The following SRPK1 variants were observed in gnomAD, a reference collection of about 807,000 sequenced individuals.
SRPK1 encodes SFRS protein kinase 1.
Under a neutral mutation model 89.5 loss-of-function variants are expected in SRPK1, and 52 were observed. The ratio of observed to expected loss-of-function variants is 0.58; its 90% CI spans 0.46 to 0.73. SRPK1 has a LOEUF of 0.73. Among genes scored for constraint, SRPK1 ranks in the 30% least tolerant of loss-of-function variants. SRPK1 has a pLI of 0.00. For missense variants in SRPK1, 603 were observed against 780.6 expected (o/e 0.77, Z 2.71); for synonymous variants, 255 against 270.2 (o/e 0.94, Z 0.55).
intron 2 of SRPK1, among the ~76,000 whole-genome samples, chr6:35,913,969 CTT>C (rs545555860): frequency 1.9e-3 from 181 of 92,914 alleles, no homozygotes; most frequent in Non-Finnish European, 2.8e-3. Context: ...GATACTTTCT[CTT>C]TTTTTTTTTT....
At chr6:35,891,183 A>G (rs1770510610) in intron 2 of SRPK1, 170 bp from the exon 3 acceptor site, 5 of 739,028 alleles carry the variant, frequency 6.8e-6, no homozygotes, top group Non-Finnish European at 9.8e-6. Context: ...TTAGAAAAAT[A>G]CTTTTTAAAA....
chr6:35,835,132 A>G lies in SRPK1; in HGVS notation c.*172T>C, dbSNP rs1581984352. 1.7e-6 allele frequency: 1 copy of G among 577,470 alleles called. No individual in the cohort carries two copies. The highest frequency in any genetic ancestry group is 2.8e-6 in the Non-Finnish European group (1 of 351,144). 35.8% of individuals were successfully genotyped at this position (577,470 alleles called of 1,614,324 possible). On this transcript the variant is annotated 3_prime_UTR_variant, in exon 16 of 16. Coordinates refer to ENST00000373825, the MANE Select transcript of SRPK1 (RefSeq NM_003137.5). The stretch of plus-strand genomic sequence containing the variant: ...CCTAGGATGCCCAATGGCTGTGGGG[A>G]TCTCCACAGGGTCAAGTAAGCAAAC...
chr6:35,837,530 C>T (rs1769206033), intron 15 of SRPK1, among the ~76,000 whole-genome samples: 1 of 152,154 alleles, frequency 6.6e-6, no homozygotes, highest in South Asian at 2.1e-4. Flanking sequence ...AGTGGAGTAG[C>T]CAGGATTTGA....
intron 7 of SRPK1, among the ~76,000 whole-genome samples, chr6:35,873,440 T>C (rs954522458): frequency 2.6e-5 from 4 of 152,054 alleles, no homozygotes; most frequent in Non-Finnish European, 5.9e-5. Flanking sequence ...AAAAAGAGAA[T>C]AAGCACAATA....
chr6:35,917,562 C>A (rs919561908), intron 2 of SRPK1, among the ~76,000 whole-genome samples: 1 of 152,182 alleles, frequency 6.6e-6, no homozygotes, highest in Non-Finnish European at 1.5e-5. Context: ...GTCAAATACT[C>A]CAGCACAGTG....
intron 2 of SRPK1, among the ~76,000 whole-genome samples, chr6:35,893,738 G>C (rs2127259512): frequency 6.6e-6 from 1 of 152,214 alleles, no homozygotes; most frequent in Non-Finnish European, 1.5e-5. Context: ...TTACTCTAAA[G>C]AAAAAGCTGG....
chr6:35,916,714 A>G (rs955433050), intron 2 of SRPK1, among the ~76,000 whole-genome samples: 3 of 152,250 alleles, frequency 2.0e-5, no homozygotes, highest in African/African-American at 7.2e-5. Flanking sequence ...TAATAAAATC[A>G]GTAAGTATGA....
At chr6:35,856,438 A>G (rs563024085) in intron 13 of SRPK1, among the ~76,000 whole-genome samples, 1 of 152,136 alleles carries the variant, frequency 6.6e-6, no homozygotes, top group South Asian at 2.1e-4. Context: ...TGGCTTGTGG[A>G]TCCTGAGGCT....
chr6:35,919,761 A>G (rs1562002241), intron 2 of SRPK1, among the ~76,000 whole-genome samples: 1 of 152,230 alleles, frequency 6.6e-6, no homozygotes, highest in Non-Finnish European at 1.5e-5. Context: ...TGTGGCGCTT[A>G]ATACGCCAAA....
At chr6:35,874,514 A>G (rs1332189786) in intron 6 of SRPK1, among the ~76,000 whole-genome samples, 175 bp from the exon 7 acceptor site, 1 of 152,248 alleles carries the variant, frequency 6.6e-6, no homozygotes, top group East Asian at 1.9e-4. Context: ...GTCTAATGCT[A>G]TAGTCAATGA....
chr6:35,844,061 G>A, intron 13 of SRPK1, among the ~76,000 whole-genome samples: 1 of 144,750 alleles, frequency 6.9e-6, no homozygotes, highest in East Asian at 2.0e-4. Flanking sequence ...CTGGAGTGCA[G>A]TGGCACAATC....
chr6:35,894,080 T>G (rs1770581369), intron 2 of SRPK1, among the ~76,000 whole-genome samples: 1 of 152,112 alleles, frequency 6.6e-6, no homozygotes, highest in South Asian at 2.1e-4. Flanking sequence ...ATCAGGTCTC[T>G]AATGCCTCAT....
rs1029436104 is a variant in SRPK1 at position 35,844,941 on chromosome 6, G to A, written c.1621-2337C>T. On this transcript the variant is annotated intron_variant, in intron 13 of 15. Coordinates refer to ENST00000373825, the MANE Select transcript of SRPK1 (RefSeq NM_003137.5). ...ATACGCCTGTGGTCCCAGCTATTCA[G>A]GAGGCTAGAAAATGAAATACTCTTC... 4.6e-5 allele frequency among the ~76,000 whole-genome samples: 7 copies of A among 152,132 alleles called. No homozygotes were observed. The East Asian group carries it at 1.3e-3, about 29-fold the overall frequency.
At chr6:35,902,232 C>CAAAAAAAA (rs58763282) in intron 2 of SRPK1, among the ~76,000 whole-genome samples, 24 of 83,546 alleles carry the variant, frequency 2.9e-4, no homozygotes, top group South Asian at 1.0e-3. Flanking sequence ...TCCGTCTCTA[C>CAAAAAAAA]AAAAAAAAAA....
In SRPK1 at chr6:35,890,992, G is replaced by A. The variant is rs1329098224; in HGVS notation, c.96C>T (p.Gly32=). The A allele has an allele frequency of 1.3e-6, 2 of 1,552,196 alleles. No individual in the cohort carries two copies. The highest frequency in any genetic ancestry group is 2.4e-5 in the South Asian group (2 of 84,036). ...AQRKSETQHR[G]SAPHSESDLP... ...GATCACTCTCAGAGTGGGGAGCAGA[G>A]CCTCGGTGCTGAGTTTCAGATCTAA... Residue 32 remains glycine, a synonymous_variant, in exon 3 of 16, where the codon GGC becomes GGT. Transcript: ENST00000373825.
At chr6:35,861,705 C>T (rs569761871) in intron 12 of SRPK1, among the ~76,000 whole-genome samples, 35 of 152,352 alleles carry the variant, frequency 2.3e-4, no homozygotes, top group African/African-American at 8.4e-4. Flanking sequence ...CCCTTTCGGG[C>T]TGACGTGGCT....
intron 13 of SRPK1, among the ~76,000 whole-genome samples, chr6:35,851,362 C>A (rs1769552262): frequency 6.6e-6 from 1 of 151,802 alleles, no homozygotes; most frequent in Non-Finnish European, 1.5e-5. Context: ...TTGGTAGAGA[C>A]AGGGTTTCAC....
chr6:35,873,553 G>A (rs1006290410), intron 7 of SRPK1, among the ~76,000 whole-genome samples: 5 of 151,162 alleles, frequency 3.3e-5, no homozygotes, highest in African/African-American at 9.7e-5. Context: ...GCGGTGGCGC[G>A]ATCTCAGCTC....
chr6:35,838,259 G>T, intron 15 of SRPK1, 78 bp downstream of exon 15: 1 of 952,574 alleles, frequency 1.0e-6, no homozygotes. Context: ...CATTCTGTAG[G>T]ACATTGGGAA....
Sources: allele counts gnomAD v4.1 joint callset (sites outside exome capture counted in the v4.1 genomes callset), GRCh38; gene constraint gnomAD v4.1.1; transcripts MANE v1.5; gene names NCBI Gene and HGNC (gene_info 2026-07-23, HGNC 2026-07-21).